USP46: variants seen among roughly 807,000 people sequenced by gnomAD.
USP46 encodes ubiquitin carboxyl-terminal hydrolase 46.
In USP46, 12 loss-of-function variants were observed where a neutral mutation model predicts 44.4. The ratio of observed to expected loss-of-function variants is 0.27; its 90% CI spans 0.17 to 0.44. The LOEUF (loss-of-function observed/expected upper bound fraction) is 0.44. Ranked by LOEUF, USP46 falls within the 20% of genes least tolerant of loss-of-function variation. The pLI is 1.00. For missense variants in USP46, 248 were observed against 444.8 expected (o/e 0.56, Z 3.98); for synonymous variants, 155 against 161.5 (o/e 0.96, Z 0.31).
intron 1 of USP46, among the ~76,000 whole-genome samples, chr4:52,635,341 T>C (rs548425351): frequency 6.6e-6 from 1 of 152,058 alleles, no homozygotes; most frequent in South Asian, 2.1e-4. Context: ...CCCAGACAAA[T>C]GTGCAATGCT....
rs1044457444 is a variant in USP46, at chr4:52,596,289, G to A, written c.*1351C>T. The A allele has an allele frequency of 2.0e-5, 3 of 152,610 alleles. No homozygotes were observed. The highest frequency in any genetic ancestry group is 2.9e-5 in the Non-Finnish European group (2 of 68,038). The allele number at this position is 152,610 out of a possible 1,614,324, so 9.5% of individuals were successfully genotyped here. A position where few individuals can be genotyped will look rare whatever the true frequency, so the allele number is the denominator to read the frequency against. ...TGTTCACAGTTTATTATAGTGTATG[G>A]AAGTTAAGTGGCTTCTAAAGGAAGC... On this transcript the variant is annotated 3_prime_UTR_variant, in exon 9 of 9. Coordinates refer to ENST00000441222, the MANE Select transcript of USP46 (RefSeq NM_022832.4).
At chr4:52,643,869 G>A (rs983378057) in intron 1 of USP46, among the ~76,000 whole-genome samples, 5 of 152,098 alleles carry the variant, frequency 3.3e-5, no homozygotes, top group African/African-American at 4.8e-5. Context: ...ATGTAAATTC[G>A]GTTCCTGAGT....
At position 52,597,611 on chromosome 4, in the gene USP46, C is replaced by T. The variant is rs1716296999; in HGVS notation, c.*29G>A. On this transcript the variant is annotated 3_prime_UTR_variant, in exon 9 of 9. Transcript: ENST00000441222. ...GTGACAGTGCTGTGAACATTCTCCC[C>T]ACGTGAATCAGTCCCGCAGGTCTTT... 2 of 1,479,550 alleles carry T rather than the reference C, an allele frequency of 1.4e-6. No individual in the cohort carries two copies. Among genetic ancestry groups the T allele is most frequent in the Non-Finnish European group, 9.3e-7 (1 of 1,080,640 alleles). The allele number at this position is 1,479,550 out of a possible 1,614,324, so 91.7% of individuals were successfully genotyped here. A position where few individuals can be genotyped will look rare whatever the true frequency, so the allele number is the denominator to read the frequency against.
chr4:52,610,431 CA>C, intron 5 of USP46, 109 bp downstream of exon 5: 1 of 906,228 alleles, frequency 1.1e-6, no homozygotes, highest in Non-Finnish European at 1.7e-6. Context: ...ATAATAGGAT[CA>C]TATTGGTTTA....
Position 52,628,177 on chromosome 4 carries a change from A to T in USP46, c.118-14T>A. On this transcript the variant is annotated splice_polypyrimidine_tract_variant and intron_variant, in intron 2 of 8. Coordinates refer to ENST00000441222, the MANE Select transcript of USP46 (RefSeq NM_022832.4). ...TGTGTTTCCAAACTGCCAAGGGACA[A>T]GAGGGATGGCTCAAGTCATTGCCTG... 1 of 1,611,208 alleles carries T rather than the reference A, an allele frequency of 6.2e-7. No individual in the cohort carries two copies. The highest frequency in any genetic ancestry group is 1.3e-5 in the African/African-American group (1 of 74,996).
chr4:52,623,955 A>G (rs1717481377), intron 4 of USP46, among the ~76,000 whole-genome samples: 1 of 152,154 alleles, frequency 6.6e-6, no homozygotes, highest in African/African-American at 2.4e-5. Context: ...AAATAAAAAC[A>G]AAGAGTAGGG....
Position 52,596,283 on chromosome 4 carries a change from T to C in USP46, c.*1357A>G, listed in dbSNP as rs1451041982. 6.6e-6 allele frequency: 1 copy of C among 152,606 alleles called. No individual in the cohort carries two copies. The highest frequency in any genetic ancestry group is 6.5e-5 in the Admixed American group (1 of 15,276). The allele number at this position is 152,606 out of a possible 1,614,324, so 9.5% of individuals were successfully genotyped here. A position where few individuals can be genotyped will look rare whatever the true frequency, so the allele number is the denominator to read the frequency against. ...AAAATATGTTCACAGTTTATTATAG[T>C]GTATGGAAGTTAAGTGGCTTCTAAA... On this transcript the variant is annotated 3_prime_UTR_variant, in exon 9 of 9. Coordinates refer to ENST00000441222, the MANE Select transcript of USP46 (RefSeq NM_022832.4).
rs1716228562 is a variant in USP46 at position 52,596,073 on chromosome 4, A to T, written c.*1567T>A. 6.5e-6 allele frequency: 1 copy of T among 152,684 alleles called. No homozygotes were observed. The highest frequency in any genetic ancestry group is 2.1e-4 in the South Asian group (1 of 4,832). 9.5% of individuals were successfully genotyped at this position (152,684 alleles called of 1,614,324 possible). On this transcript the variant is annotated 3_prime_UTR_variant, in exon 9 of 9. Coordinates refer to ENST00000441222, the MANE Select transcript of USP46 (RefSeq NM_022832.4). The stretch of plus-strand genomic sequence containing the variant: ...AAGCATAAACAAACGAAATGTTGGC[A>T]TGCTTACTTAAGTTCTGAGCAATAA...
At chr4:52,605,932 C>T (rs1305724267) in intron 5 of USP46, among the ~76,000 whole-genome samples, 2 of 152,206 alleles carry the variant, frequency 1.3e-5, no homozygotes, top group African/African-American at 4.8e-5. Flanking sequence ...CCCGGTTGTT[C>T]AGCACTCAGC....
chr4:52,603,803 G>C (rs1466450171), intron 6 of USP46, among the ~76,000 whole-genome samples: 1 of 152,074 alleles, frequency 6.6e-6, no homozygotes, highest in African/African-American at 2.4e-5. Flanking sequence ...TCCTGCCTCA[G>C]CCTCCCGAGT....
At chr4:52,654,489 G>A (rs758428199) in intron 1 of USP46, among the ~76,000 whole-genome samples, 3 of 152,114 alleles carry the variant, frequency 2.0e-5, no homozygotes, top group Non-Finnish European at 2.9e-5. Flanking sequence ...TTTCAAAATT[G>A]TAATGTTTAC....
At chr4:52,610,825 C>T (rs1304229798) in intron 4 of USP46, among the ~76,000 whole-genome samples, 1 of 152,198 alleles carries the variant, frequency 6.6e-6, no homozygotes. Context: ...TCATCCCCTT[C>T]CCAGTTTTGA....
At chr4:52,601,049 T>C (rs1349433560) in intron 7 of USP46, among the ~76,000 whole-genome samples, 1 of 152,184 alleles carries the variant, frequency 6.6e-6, no homozygotes, top group East Asian at 1.9e-4. Context: ...TTCCTCTGCG[T>C]GGCAATGGTA....
rs569383620 is a variant in USP46 at position 52,597,298 on chromosome 4, CA to C, written c.*341del. The C allele has an allele frequency of 1.3e-4, 27 of 200,358 alleles. No individual in the cohort carries two copies. The South Asian group carries it at 2.6e-3, about 19-fold the overall frequency. The allele number at this position is 200,358 out of a possible 1,614,324, so 12.4% of individuals were successfully genotyped here. A position where few individuals can be genotyped will look rare whatever the true frequency, so the allele number is the denominator to read the frequency against. ...GACCCTGGAAGCCATAGAAGTTTAG[CA>C]AACACCTAAAACAGACCGTAGACAT... On this transcript the variant is annotated 3_prime_UTR_variant, in exon 9 of 9. Transcript: ENST00000441222.
intron 5 of USP46, among the ~76,000 whole-genome samples, chr4:52,610,214 G>A (rs918214814): frequency 2.6e-5 from 4 of 151,956 alleles, no homozygotes; most frequent in East Asian, 1.9e-4. Flanking sequence ...GTGAGCCACC[G>A]CGCCCGGCCT....
intron 1 of USP46, among the ~76,000 whole-genome samples, chr4:52,657,130 G>A (rs902466195): frequency 3.8e-4 from 57 of 151,468 alleles, no homozygotes; most frequent in African/African-American, 1.3e-3. Context: ...TAGACATGGC[G>A]TCTAAATACA....
chr4:52,645,360 G>A (rs1270735150), intron 1 of USP46, among the ~76,000 whole-genome samples: 1 of 152,102 alleles, frequency 6.6e-6, no homozygotes, highest in African/African-American at 2.4e-5. Flanking sequence ...TTCTAGCAAG[G>A]AGCATTAAAG....
chr4:52,609,326 A>G (rs1318913192), intron 5 of USP46, among the ~76,000 whole-genome samples: 1 of 152,256 alleles, frequency 6.6e-6, no homozygotes, highest in Non-Finnish European at 1.5e-5. Flanking sequence ...TCAAAATGAA[A>G]GAAACATATC....
At chr4:52,637,942 T>A (rs543673190) in intron 1 of USP46, among the ~76,000 whole-genome samples, 2 of 152,186 alleles carry the variant, frequency 1.3e-5, no homozygotes, top group East Asian at 3.9e-4. Context: ...TGTCCCAGCA[T>A]CCTGCAAGGC....
Sources: gnomAD v4.1 joint callset for allele counts (sites outside exome capture counted in the v4.1 genomes callset) on GRCh38, gnomAD v4.1.1 for gene constraint, MANE v1.5 for transcripts, NCBI Gene and HGNC (gene_info 2026-07-23, HGNC 2026-07-21) for gene names.